The following CDH8 variants were observed in gnomAD, a reference collection of about 807,000 sequenced individuals.
The protein encoded by CDH8 is cadherin-8.
CDH8 carries 17 observed loss-of-function variants against 68.1 expected under a neutral mutation model. The ratio of observed to expected loss-of-function variants is 0.25; its 90% CI spans 0.17 to 0.37. The LOEUF is 0.37. Among genes scored for constraint, CDH8 ranks in the 10% least tolerant of loss-of-function variants. CDH8 has a pLI of 1.00. For synonymous variants in CDH8, 372 were observed against 365.1 expected, an observed-to-expected ratio of 1.02 and a Z score of -0.21; for missense variants, 763 against 999.3, an observed-to-expected ratio of 0.76 and a Z score of 3.19.
At chr16:61,839,435 T>G (rs1005078442) in intron 4 of CDH8, among the ~76,000 whole-genome samples, 1 of 152,214 alleles carries the variant, frequency 6.6e-6, no homozygotes, top group Non-Finnish European at 1.5e-5. Flanking sequence ...TCTTCATGTA[T>G]TCAAATGATC....
At chr16:61,835,950 T>G (rs192895482) in intron 4 of CDH8, among the ~76,000 whole-genome samples, 97 of 151,968 alleles carry the variant, frequency 6.4e-4, no homozygotes, top group Non-Finnish European at 2.2e-4. Context: ...AGTGACAATT[T>G]TCAATTCTTA....
At position 61,714,768 on chromosome 16, in the gene CDH8, T is replaced by C. The variant is rs76819569; in HGVS notation, c.1537-810A>G. The stretch of plus-strand genomic sequence containing the variant: ...ATGTGACAAGCGGGACAAGAGCTAA[T>C]GTAGGAAAAGTTTGAATGTATACTC... On this transcript the variant is annotated intron_variant, in intron 9 of 11. Transcript: ENST00000577390. 1.3e-3 allele frequency among the ~76,000 whole-genome samples: 199 copies of C among 151,774 alleles called. 5 individuals are homozygous for C. The East Asian group carries it at 0.033, about 25-fold the overall frequency.
At chr16:62,003,530 CTG>C (rs35972590) in intron 2 of CDH8, among the ~76,000 whole-genome samples, 63,853 of 151,804 alleles carry the variant, frequency 0.42, 15,432 homozygotes, top group East Asian at 0.65. Flanking sequence ...TAATGCCTGA[CTG>C]TGTTTTTTTC....
At chr16:61,832,581 C>G (rs1437374088) in intron 4 of CDH8, among the ~76,000 whole-genome samples, 1 of 151,766 alleles carries the variant, frequency 6.6e-6, no homozygotes, top group Non-Finnish European at 1.5e-5. Flanking sequence ...ACTTTTTAAA[C>G]TAAGAACTTA....
intron 2 of CDH8, among the ~76,000 whole-genome samples, chr16:61,960,118 T>TGTGTGTGTATACACATACATATATAC (rs1965088180): frequency 8.1e-6 from 1 of 123,878 alleles, no homozygotes; most frequent in Non-Finnish European, 1.7e-5. Flanking sequence ...CATATATACA[T>TGTGTGTGTATACACATACATATATAC]ATGTGTGTGT....
At chr16:61,865,518 A>G (rs1236052577) in intron 3 of CDH8, among the ~76,000 whole-genome samples, 1 of 152,192 alleles carries the variant, frequency 6.6e-6, no homozygotes, top group Non-Finnish European at 1.5e-5. Context: ...AGACACGTTT[A>G]TATGCACAGA....
rs551553220 is a variant in CDH8, at chr16:61,680,673, A to G, written c.1655-24952T>C. On this transcript the variant is annotated intron_variant, in intron 10 of 11. Transcript: ENST00000577390. ...CACACACACAATTGGCACCTATGACATATGTAATTTTAAAACATTAACTTT... is the reference window on the plus strand; with the variant it reads ...CACACACACAATTGGCACCTATGACGTATGTAATTTTAAAACATTAACTTT... Among the ~76,000 whole-genome samples, 11 of 151,916 alleles carry G rather than the reference A, an allele frequency of 7.2e-5. No homozygotes were observed. In the South Asian group the frequency reaches 2.3e-3, roughly 31 times the overall value.
chr16:61,906,922 G>C (rs1964072047), intron 2 of CDH8, among the ~76,000 whole-genome samples: 1 of 152,116 alleles, frequency 6.6e-6, no homozygotes, highest in Non-Finnish European at 1.5e-5. Context: ...AAGAAAAGAT[G>C]GGTAGGTGAT....
chr16:61,910,614 C>A (rs931129390), intron 2 of CDH8, among the ~76,000 whole-genome samples: 1 of 152,002 alleles, frequency 6.6e-6, no homozygotes, highest in African/African-American at 2.4e-5. Context: ...CAGTACTTGT[C>A]CTTTAGAGTT....
chr16:61,881,529 A>G (rs1963577327), intron 3 of CDH8, among the ~76,000 whole-genome samples: 1 of 152,190 alleles, frequency 6.6e-6, no homozygotes. Context: ...AAGCAAACAT[A>G]TCAGAAAAGA....
intron 2 of CDH8, among the ~76,000 whole-genome samples, chr16:61,942,556 C>T (rs914565438): frequency 2.6e-5 from 4 of 152,088 alleles, no homozygotes; most frequent in Non-Finnish European, 5.9e-5. Context: ...GGGCTAAGCT[C>T]ATTATCTTGA....
chr16:61,859,845 A>G (rs928294638), intron 3 of CDH8, among the ~76,000 whole-genome samples: 1 of 151,938 alleles, frequency 6.6e-6, no homozygotes. Flanking sequence ...CCCTCACAAG[A>G]GATTAGGTGC....
At chr16:61,874,298 T>C (rs994066226) in intron 3 of CDH8, among the ~76,000 whole-genome samples, 27 of 152,220 alleles carry the variant, frequency 1.8e-4, no homozygotes, top group African/African-American at 6.3e-4. Flanking sequence ...TTAGGTATAT[T>C]AAATGCATTT....
intron 2 of CDH8, among the ~76,000 whole-genome samples, chr16:61,920,051 T>C (rs1182841637): frequency 6.7e-6 from 1 of 150,274 alleles, no homozygotes; most frequent in Non-Finnish European, 1.5e-5. Flanking sequence ...GCTAGCCATA[T>C]GTAGAAAGCT....
intron 8 of CDH8, among the ~76,000 whole-genome samples, chr16:61,735,753 A>C (rs1386624529): frequency 3.3e-5 from 5 of 152,062 alleles, no homozygotes; most frequent in Non-Finnish European, 7.4e-5. Flanking sequence ...CGCCTTTAAA[A>C]ATTAGGAAAA....
intron 9 of CDH8, among the ~76,000 whole-genome samples, chr16:61,717,488 A>C (rs1964753833): frequency 6.6e-6 from 1 of 151,690 alleles, no homozygotes; most frequent in South Asian, 2.1e-4. Flanking sequence ...AATCTAAATT[A>C]GATTGTTTTA....
At chr16:61,711,329 C>G (rs1964626758) in intron 10 of CDH8, among the ~76,000 whole-genome samples, 1 of 151,716 alleles carries the variant, frequency 6.6e-6, no homozygotes, top group Non-Finnish European at 1.5e-5. Context: ...GAAATCATCT[C>G]CCTTAAAGAT....
chr16:62,021,545 C>T lies in CDH8; in HGVS notation c.-142G>A, dbSNP rs910628564. 9.1e-6 allele frequency: 13 copies of T among 1,431,454 alleles called. No individual in the cohort carries two copies. Among genetic ancestry groups the T allele is most frequent in the African/African-American group, 1.4e-5 (1 of 70,012 alleles). 88.7% of individuals were successfully genotyped at this position (1,431,454 alleles called of 1,614,324 possible). A position where few individuals can be genotyped will look rare whatever the true frequency, so the allele number is the denominator to read the frequency against. ...TGTCTATAGCACGGGAAACAGACAT[C>T]ATCTAAGCAGCTTTTCTAAGACCAC... On this transcript the variant is annotated 5_prime_UTR_variant, in exon 2 of 12. It removes an upstream start codon present in the reference 5' UTR. Coordinates refer to ENST00000577390, the MANE Select transcript of CDH8 (RefSeq NM_001796.5).
intron 5 of CDH8, 109 bp from the exon 6 acceptor site, chr16:61,821,222 G>T: frequency 1.5e-6 from 1 of 676,340 alleles, no homozygotes; most frequent in Non-Finnish European, 2.4e-6. Context: ...TCCTATAGAT[G>T]CTACCAATAA....
Sources: gnomAD v4.1 joint callset for allele counts (sites outside exome capture counted in the v4.1 genomes callset) on GRCh38, gnomAD v4.1.1 for gene constraint, MANE v1.5 for transcripts, NCBI Gene and HGNC (gene_info 2026-07-23, HGNC 2026-07-21) for gene names.